DAB1: variants seen among roughly 807,000 people sequenced by gnomAD.
DAB1 encodes disabled homolog 1.
Under a neutral mutation model 64.6 loss-of-function variants are expected in DAB1, and 15 were observed. The observed-to-expected ratio is 0.23, with a 90% CI of 0.16 to 0.36. The LOEUF is 0.36. Among genes scored for constraint, DAB1 ranks in the 10% least tolerant of loss-of-function variants. The pLI is 1.00. For missense variants in DAB1, 596 were observed against 706.7 expected (o/e 0.84, Z 1.78); for synonymous variants, 235 against 251.9 (o/e 0.93, Z 0.64).
intron 4 of DAB1, among the ~76,000 whole-genome samples, chr1:58,201,019 T>C (rs1657966643): frequency 1.4e-5 from 2 of 139,496 alleles, no homozygotes; most frequent in African/African-American, 5.4e-5. Context: ...TTTTGTTTGT[T>C]TTGTTTTTTT....
chr1:57,452,844 G>A (rs1686438227), intron 7 of DAB1, among the ~76,000 whole-genome samples: 1 of 151,844 alleles, frequency 6.6e-6, no homozygotes, highest in Admixed American at 6.6e-5. Flanking sequence ...AGTAGATGTG[G>A]GAAGAAGGAA....
chr1:57,216,915 TC>T (rs1192432108), intron 2 of DAB1, among the ~76,000 whole-genome samples: 1 of 152,190 alleles, frequency 6.6e-6, no homozygotes, highest in Non-Finnish European at 1.5e-5. Flanking sequence ...TTTTCTGACT[TC>T]CTTTCTAGAG....
chr1:57,198,689 A>ACACACACACACC (rs1228335383), intron 2 of DAB1, among the ~76,000 whole-genome samples: 1 of 148,122 alleles, frequency 6.8e-6, no homozygotes, highest in African/African-American at 2.5e-5. Flanking sequence ...ACACACACAC[A>ACACACACACACC]CCCATCAACT....
At chr1:57,725,715 A>T (rs3131725) in intron 6 of DAB1, among the ~76,000 whole-genome samples, 55,288 of 152,018 alleles carry the variant, frequency 0.36, 13,834 homozygotes, top group African/African-American at 0.71. Flanking sequence ...AACAGGCTTA[A>T]TACATCTAGC....
At chr1:57,541,984 G>C (rs527611858) in intron 7 of DAB1, among the ~76,000 whole-genome samples, 1 of 152,134 alleles carries the variant, frequency 6.6e-6, no homozygotes, top group Non-Finnish European at 1.5e-5. Context: ...ATCCTAGGGT[G>C]GGGGAGGGTG....
At chr1:57,389,620 GATGGATAA>G (rs1344459357) in intron 1 of DAB1, among the ~76,000 whole-genome samples, 2 of 152,114 alleles carry the variant, frequency 1.3e-5, no homozygotes, top group African/African-American at 2.4e-5. Flanking sequence ...AGAAATGAAG[GATGGATAA>G]ATGGAGGGAA....
chr1:58,037,447 G>A (rs988996671), intron 5 of DAB1, among the ~76,000 whole-genome samples: 1 of 152,148 alleles, frequency 6.6e-6, no homozygotes, highest in African/African-American at 2.4e-5. Context: ...AGTGGCAGCC[G>A]AGCATTACCA....
chr1:57,849,053 T>G (rs937163589), intron 1 of DAB1, among the ~76,000 whole-genome samples: 1 of 152,216 alleles, frequency 6.6e-6, no homozygotes, highest in African/African-American at 2.4e-5. Context: ...AAGTGTGGGC[T>G]GCTGTTCTCT....
intron 5 of DAB1, among the ~76,000 whole-genome samples, chr1:57,998,477 C>T (rs1411219237): frequency 2.6e-5 from 4 of 151,350 alleles, no homozygotes; most frequent in Non-Finnish European, 5.9e-5. Context: ...GATTCTCCTG[C>T]CCCAGCCTCT....
At chr1:57,592,453 A>G (rs1570655555) in intron 7 of DAB1, among the ~76,000 whole-genome samples, 1 of 152,250 alleles carries the variant, frequency 6.6e-6, no homozygotes, top group African/African-American at 2.4e-5. Flanking sequence ...AAAAATGGAA[A>G]TATTATTCCA....
intron 7 of DAB1, among the ~76,000 whole-genome samples, chr1:57,432,672 C>G (rs112017009): frequency 7.9e-5 from 12 of 152,246 alleles, no homozygotes; most frequent in African/African-American, 2.6e-4. Flanking sequence ...TTCCATTGTT[C>G]CCCAGATTTT....
At position 57,029,037 on chromosome 1, in the gene DAB1, A is replaced by T. The variant is rs1454502414; in HGVS notation, c.724-2994T>A. 2.0e-5 allele frequency among the ~76,000 whole-genome samples: 3 copies of T among 152,332 alleles called. No homozygotes were observed. In the East Asian group the frequency reaches 5.8e-4, roughly 29 times the overall value. On this transcript the variant is annotated intron_variant, in intron 9 of 14. Transcript: ENST00000371236. ...GGAAAATGTCTCCAGGCCATGTCAG[A>T]GACCTTCATGGCAGCCCTTCCCATC...
chr1:57,590,143 C>T (rs1384131232), intron 7 of DAB1, among the ~76,000 whole-genome samples: 1 of 152,110 alleles, frequency 6.6e-6, no homozygotes, highest in Non-Finnish European at 1.5e-5. Context: ...TCTAAGGCTT[C>T]TCTCCTTGGC....
At chr1:57,910,416 G>A (rs1234085038) in intron 5 of DAB1, among the ~76,000 whole-genome samples, 1 of 152,200 alleles carries the variant, frequency 6.6e-6, no homozygotes, top group Admixed American at 6.5e-5. Context: ...GACGTACTGC[G>A]ATGAATACCT....
intron 5 of DAB1, among the ~76,000 whole-genome samples, chr1:57,992,879 C>T (rs534621484): frequency 2.8e-4 from 43 of 152,068 alleles, no homozygotes; most frequent in African/African-American, 9.2e-4. Context: ...TTCTAGACCC[C>T]GATGCAGTTA....
At chr1:57,911,853 A>C (rs1644649712) in intron 5 of DAB1, among the ~76,000 whole-genome samples, 1 of 152,140 alleles carries the variant, frequency 6.6e-6, no homozygotes, top group South Asian at 2.1e-4. Context: ...TTCCCTCAGC[A>C]CTAGGTAGGG....
Position 57,162,774 on chromosome 1 carries a change from A to G in DAB1, c.68-17345T>C, listed in dbSNP as rs180720625. ...CTTCTAAACAAGAGTGCTGTGTTAT[A>G]CTATTGACTGACTAAATTATTTCTT... On this transcript the variant is annotated intron_variant, in intron 2 of 14. Coordinates refer to ENST00000371236, the MANE Select transcript of DAB1 (RefSeq NM_001365792.1). Among the ~76,000 whole-genome samples, 9 of 152,350 alleles carry G rather than the reference A, an allele frequency of 5.9e-5. No homozygotes were observed. In the East Asian group the frequency reaches 1.5e-3, roughly 26 times the overall value.
chr1:57,857,822 T>C lies in DAB1; in HGVS notation n.87+26177A>G, dbSNP rs1000230914. 1.5e-4 allele frequency among the ~76,000 whole-genome samples: 23 copies of C among 149,166 alleles called. 1 individual carries two copies. The highest frequency in any genetic ancestry group is 1.5e-5 in the Non-Finnish European group (1 of 67,546). On this transcript the variant is annotated intron_variant and non_coding_transcript_variant, in intron 1 of 1. Transcript: ENST00000477280. ...ATAAGTATTTTTAAAGTATTGCAGTTTTATCAGTATGGAATCATAGAATGT... is the reference window on the plus strand; with the variant it reads ...ATAAGTATTTTTAAAGTATTGCAGTCTTATCAGTATGGAATCATAGAATGT...
intron 2 of DAB1, among the ~76,000 whole-genome samples, chr1:57,286,694 A>G (rs1672343222): frequency 6.6e-6 from 1 of 152,232 alleles, no homozygotes; most frequent in African/African-American, 2.4e-5. Flanking sequence ...TTATATGAGG[A>G]TATAACATTA....
Sources: allele counts gnomAD v4.1 joint callset (sites outside exome capture counted in the v4.1 genomes callset), GRCh38; gene constraint gnomAD v4.1.1; transcripts MANE v1.5; gene names NCBI Gene and HGNC (gene_info 2026-07-23, HGNC 2026-07-21).